DISP3: variants seen among roughly 807,000 people sequenced by gnomAD.
DISP3 encodes the protein protein dispatched homolog 3.
Under a neutral mutation model 135.3 loss-of-function variants are expected in DISP3, and 101 were observed. That is an observed-to-expected ratio of 0.75 (90% confidence interval 0.64 to 0.88). The LOEUF is 0.88. DISP3 is among the 40% of genes least tolerant of loss of function. The pLI is 0.00. For missense variants in DISP3, 1,713 were observed against 1,878.6 expected (o/e 0.91, Z 1.63); for synonymous variants, 856 against 817.0 (o/e 1.05, Z -0.81).
rs143054501 is a variant in DISP3, at chr1:11,501,543, G to A, written c.551G>A (p.Gly184Asp). Residue 184 changes from glycine to aspartate, a missense_variant, in exon 2 of 21, where the codon GGC (glycine) becomes GAC (aspartate). This residue lies in a region of DISP3 where 571 missense variants were observed against 494.1 expected (regional missense o/e 1.16). Transcript: ENST00000294484. This position sits in a 1 kb window ranked among gnomAD's most constrained non-coding sequence, Gnocchi z 4.9. ...CCCGCGGCCTCACTCGGTGGCCCAG[G>A]CCCTTACCGGGACACTTCCGCGGCT... is the stretch of plus-strand genomic sequence containing the variant. The part of the protein sequence containing the change: ...VIPAASLGGP[G>D]PYRDTSAAQK... The A allele has an allele frequency of 6.3e-6, 10 of 1,592,650 alleles. No homozygotes were observed. In the Admixed American group the frequency reaches 1.4e-4, roughly 22 times the overall value.
intron 1 of DISP3, among the ~76,000 whole-genome samples, chr1:11,488,351 G>A (rs962659331): frequency 6.6e-6 from 1 of 152,150 alleles, no homozygotes; most frequent in Non-Finnish European, 1.5e-5. Flanking sequence ...CCACAGCAAG[G>A]GCCTCTGTGC....
intron 18 of DISP3, 147 bp from the exon 19 acceptor site, chr1:11,534,864 A>G (rs1642665512): frequency 2.3e-6 from 2 of 851,474 alleles, no homozygotes; most frequent in Non-Finnish European, 3.8e-6. Flanking sequence ...TTCAACTCCA[A>G]ACAAGGCCGG....
Position 11,531,476 on chromosome 1 carries a change from G to A in DISP3, c.3230-89G>A, listed in dbSNP as rs1408303983. The A allele has an allele frequency of 1.9e-6, 3 of 1,565,784 alleles. No homozygotes were observed. In the African/African-American group the frequency reaches 4.1e-5, roughly 21 times the overall value. On this transcript the variant is annotated intron_variant, in intron 16 of 20. Coordinates refer to ENST00000294484, the MANE Select transcript of DISP3 (RefSeq NM_020780.2). This position sits in a 1 kb window ranked among gnomAD's most constrained non-coding sequence, Gnocchi z 5.2. Reference sequence around the variant, plus strand: ...GGTTACAAGCACTCTAAGCCTCAGAGGTATGTGAGTGCGTGGGCACAGGTG... The same window carrying A: ...GGTTACAAGCACTCTAAGCCTCAGAAGTATGTGAGTGCGTGGGCACAGGTG...
chr1:11,489,801 T>C (rs1389845804), intron 1 of DISP3, among the ~76,000 whole-genome samples: 2 of 152,132 alleles, frequency 1.3e-5, no homozygotes, highest in Non-Finnish European at 2.9e-5. Context: ...ATCCCCTGCT[T>C]CCTCCACCTC....
At chr1:11,527,709 G>A (rs954135950) in intron 13 of DISP3, among the ~76,000 whole-genome samples, 1 of 152,256 alleles carries the variant, frequency 6.6e-6, no homozygotes, top group Middle Eastern at 3.4e-3. Flanking sequence ...TGGCCACCTG[G>A]CTGTCCCTCT....
At position 11,536,873 on chromosome 1, in the gene DISP3, A is replaced by G; in HGVS notation, c.*187A>G. The G allele has an allele frequency of 2.4e-6, 2 of 816,644 alleles. No homozygotes were observed. Among genetic ancestry groups the G allele is most frequent in the Admixed American group, 3.2e-5 (1 of 31,356 alleles). 50.6% of individuals were successfully genotyped at this position (816,644 alleles called of 1,614,324 possible). A position where few individuals can be genotyped will look rare whatever the true frequency, so the allele number is the denominator to read the frequency against. Reference sequence around the variant, plus strand: ...TGCCTTGTGGAGCTGGGAGTTGGAGACAGCCGCCACCCCACAGGCCGGGCT... The same window carrying G: ...TGCCTTGTGGAGCTGGGAGTTGGAGGCAGCCGCCACCCCACAGGCCGGGCT... On this transcript the variant is annotated 3_prime_UTR_variant, in exon 21 of 21. Transcript: ENST00000294484. The surrounding 1 kb of genome is among the most constrained non-coding windows in gnomAD (Gnocchi z 4.3).
intron 3 of DISP3, among the ~76,000 whole-genome samples, chr1:11,505,119 G>A (rs1641660978): frequency 6.6e-6 from 1 of 152,190 alleles, no homozygotes; most frequent in African/African-American, 2.4e-5. Flanking sequence ...ATCACCTAGG[G>A]GCTTGTTAGA....
chr1:11,502,134 A>G (rs767721534), intron 2 of DISP3, 46 bp downstream of exon 2: 1 of 1,517,378 alleles, frequency 6.6e-7, no homozygotes, highest in South Asian at 1.3e-5. Flanking sequence ...CAGGTTTCAT[A>G]CAGCTCTTTA....
Position 11,519,616 on chromosome 1 carries a change from C to A in DISP3, c.2039-103C>A. On this transcript the variant is annotated intron_variant, in intron 8 of 20. Coordinates refer to ENST00000294484, the MANE Select transcript of DISP3 (RefSeq NM_020780.2). The surrounding 1 kb of genome is among the most constrained non-coding windows in gnomAD (Gnocchi z 4.3). Reference sequence around the variant, plus strand: ...TGAGGCTGGGGGCCGGACAAGATGGCCTGTGGGCTTCCTCACCAGGCATCT... The same window carrying A: ...TGAGGCTGGGGGCCGGACAAGATGGACTGTGGGCTTCCTCACCAGGCATCT... 1 of 1,569,842 alleles carries A rather than the reference C, an allele frequency of 6.4e-7. No homozygotes were observed. The highest frequency in any genetic ancestry group is 1.2e-5 in the South Asian group (1 of 85,734).
intron 1 of DISP3, among the ~76,000 whole-genome samples, chr1:11,494,524 C>T (rs1005244134): frequency 2.6e-5 from 4 of 152,212 alleles, no homozygotes; most frequent in Admixed American, 6.5e-5. Flanking sequence ...TCTCAGAAGA[C>T]GGAGTATCAG....
intron 1 of DISP3, among the ~76,000 whole-genome samples, chr1:11,487,950 GC>G (rs1641083561): frequency 6.6e-6 from 1 of 152,222 alleles, no homozygotes; most frequent in South Asian, 2.1e-4. Context: ...CTGTGTCCTG[GC>G]CCTCTATCAT....
intron 13 of DISP3, 109 bp downstream of exon 13, chr1:11,526,944 CTTTTT>C: frequency 9.8e-7 from 1 of 1,024,298 alleles, no homozygotes; most frequent in Non-Finnish European, 1.3e-6. Context: ...GGCCCCCTCA[CTTTTT>C]TTTTTTTTTC....
In DISP3 at chr1:11,520,771, C is replaced by G. The variant is rs1461639578; in HGVS notation, c.2285C>G (p.Pro762Arg). 1 of 1,613,484 alleles carries G rather than the reference C, an allele frequency of 6.2e-7. No individual in the cohort carries two copies. The highest frequency in any genetic ancestry group is 2.2e-5 in the East Asian group (1 of 44,892). Reference protein sequence around the residue: ...PASRAPLLFRPDTNIQVLLDL... With the variant: ...PASRAPLLFRRDTNIQVLLDL... ...AGCCGGGCCCCGCTACTCTTCCGGC[C>G]TGATACCAACATCCAGGTGCTGCTG... The change falls in exon 10 of 21, where the codon CCT becomes CGT. Residue 762 changes from proline to arginine, a missense_variant. By Grantham distance (103) the Pro-to-Arg change is moderately radical. Transcript: ENST00000294484. This position sits in a 1 kb window ranked among gnomAD's most constrained non-coding sequence, Gnocchi z 4.8.
rs1436949991 is a variant in DISP3, at chr1:11,499,926, G to A, written c.-3-1064G>A. 1.3e-5 allele frequency among the ~76,000 whole-genome samples: 2 copies of A among 152,240 alleles called. No homozygotes were observed. Among genetic ancestry groups the A allele is most frequent in the African/African-American group, 2.4e-5 (1 of 41,456 alleles). ...GCACAATTAGCTTCCTCCTCTTACC[G>A]CCTAGCATCTAACTGGATAATGAGT... On this transcript the variant is annotated intron_variant, in intron 1 of 20. Coordinates refer to ENST00000294484, the MANE Select transcript of DISP3 (RefSeq NM_020780.2). This position sits in a 1 kb window ranked among gnomAD's most constrained non-coding sequence, Gnocchi z 5.2.
Position 11,516,313 on chromosome 1 carries a change from A to G in DISP3, c.1749+152A>G. 1 of 908,662 alleles carries G rather than the reference A, an allele frequency of 1.1e-6. No individual in the cohort carries two copies. 56.3% of individuals were successfully genotyped at this position (908,662 alleles called of 1,614,324 possible). A position where few individuals can be genotyped will look rare whatever the true frequency, so the allele number is the denominator to read the frequency against. On this transcript the variant is annotated intron_variant, in intron 6 of 20. Coordinates refer to ENST00000294484, the MANE Select transcript of DISP3 (RefSeq NM_020780.2). The surrounding 1 kb of genome is among the most constrained non-coding windows in gnomAD (Gnocchi z 5.1). ...GCTCTAGAGTTCATTTTTGTCACGA[A>G]TCACCCATTACCCAAACTTAACAAG...
At chr1:11,502,294 G>A (rs1162350848) in intron 2 of DISP3, among the ~76,000 whole-genome samples, 2 of 152,198 alleles carry the variant, frequency 1.3e-5, no homozygotes, top group African/African-American at 4.8e-5. Context: ...AAGCTTGGAC[G>A]CAGACCCAGG....
In DISP3 at chr1:11,520,935, C is replaced by T. The variant is rs1201230046; in HGVS notation, c.2362+87C>T. ...GTCTGAGAGATGCAGGATCCAGGGT[C>T]CCCATCAATGCCAGACCTCAGGCAA... On this transcript the variant is annotated intron_variant, in intron 10 of 20. Transcript: ENST00000294484. The surrounding 1 kb of genome is among the most constrained non-coding windows in gnomAD (Gnocchi z 4.8). 2.1e-6 allele frequency: 3 copies of T among 1,420,510 alleles called. No homozygotes were observed. The highest frequency in any genetic ancestry group is 1.4e-5 in the South Asian group (1 of 71,640). 88.0% of individuals were successfully genotyped at this position (1,420,510 alleles called of 1,614,324 possible).
intron 10 of DISP3, among the ~76,000 whole-genome samples, chr1:11,522,662 GCCCAGCCAGGACCCAGCCAGA>G (rs1642250950): frequency 1.5e-4 from 14 of 93,562 alleles, no homozygotes; most frequent in Admixed American, 2.2e-4. Flanking sequence ...CCCAGCCAGA[GCCCAGCCAGGACCCAGCCAGA>G]GCCCAGCCAG....
At chr1:11,498,764 C>T (rs537784149) in intron 1 of DISP3, among the ~76,000 whole-genome samples, 29 of 152,208 alleles carry the variant, frequency 1.9e-4, no homozygotes, top group African/African-American at 6.7e-4. Context: ...TACCAGGCAC[C>T]GTACTCAGTC....
Sources: allele counts gnomAD v4.1 joint callset (sites outside exome capture counted in the v4.1 genomes callset), GRCh38; gene constraint gnomAD v4.1.1; regional missense constraint gnomAD v4.1.1; non-coding constraint Gnocchi (gnomAD v3.1); transcripts MANE v1.5; gene names NCBI Gene and HGNC (gene_info 2026-07-23, HGNC 2026-07-21).